DMD: variants seen among roughly 807,000 people sequenced by gnomAD.
DMD encodes the protein dystrophin, also known as mutant dystrophin.
DMD carries 63 observed loss-of-function variants against 330.1 expected under a neutral mutation model. The ratio of observed to expected loss-of-function variants is 0.19; its 90% CI spans 0.16 to 0.24. The LOEUF (loss-of-function observed/expected upper bound fraction) is 0.24. Among genes scored for constraint, DMD ranks in the 10% least tolerant of loss-of-function variants. The pLI, the probability that DMD is intolerant of heterozygous loss-of-function variation, is 1.00. For missense variants in DMD, 3,344 were observed against 2,684.1 expected (o/e 1.25, Z -5.43); for synonymous variants, 1,223 against 959.8 (o/e 1.27, Z -5.07).
chrX:32,801,982 G>A lies in DMD; in HGVS notation c.649+7511C>T, dbSNP rs139633080. On this transcript the variant is annotated intron_variant, in intron 7 of 78. Transcript: ENST00000357033. The stretch of plus-strand genomic sequence containing the variant: ...TGTTATTTTTGCTTAGGATGGTTTT[G>A]GCAATGCAGGCTCTTTTTTAGTTCC... 2.8e-3 allele frequency among the ~76,000 whole-genome samples: 317 copies of A among 111,792 alleles called. 2 individuals are homozygous for A. The highest frequency in any genetic ancestry group is 1.0e-2 in the African/African-American group (308 of 30,806).
intron 22 of DMD, among the ~76,000 whole-genome samples, chrX:32,469,855 C>T (rs2040434763): frequency 9.0e-6 from 1 of 111,190 alleles, no homozygotes; most frequent in African/African-American, 3.3e-5. Context: ...TCCATCCATC[C>T]ATCCCTCAAT....
intron 2 of DMD, among the ~76,000 whole-genome samples, chrX:33,007,249 C>T (rs6628760): frequency 0.39 from 42,188 of 109,576 alleles, 6,278 homozygotes; most frequent in East Asian, 0.48. Context: ...ACTCCACTTG[C>T]AGATCCTACC....
At chrX:32,964,470 A>G (rs1271380429) in intron 2 of DMD, among the ~76,000 whole-genome samples, 1 of 110,375 alleles carries the variant, frequency 9.1e-6, no homozygotes, top group Admixed American at 9.7e-5. Context: ...CACTTTGGAA[A>G]GCAAAGGTGG....
chrX:32,478,023 G>T (rs949441515), intron 21 of DMD, among the ~76,000 whole-genome samples: 5 of 111,744 alleles, frequency 4.5e-5, no homozygotes, highest in Non-Finnish European at 9.4e-5. Flanking sequence ...TTTACCTGTT[G>T]ATCTGTTAAT....
rs191451243 is a variant in DMD, at chrX:31,962,058, T to C, written c.6614+6281A>G. ...GGACTCCGGAGGCAGACTGCGGGAC[T>C]GCATCCTGGTTCAAATACTTGCTGG... On this transcript the variant is annotated intron_variant, in intron 45 of 78. Transcript: ENST00000357033. Among the ~76,000 whole-genome samples the C allele has an allele frequency of 2.5e-3, 273 of 111,174 alleles. 1 individual carries two copies. Among genetic ancestry groups the C allele is most frequent in the African/African-American group, 8.3e-3 (253 of 30,572 alleles).
intron 18 of DMD, among the ~76,000 whole-genome samples, chrX:32,503,408 A>G (rs1017629016): frequency 4.5e-5 from 5 of 112,202 alleles, no homozygotes; most frequent in African/African-American, 6.5e-5. Flanking sequence ...GCAATATCAG[A>G]AATAGTTGCA....
chrX:33,160,932 C>G (rs2048740551), intron 1 of DMD, among the ~76,000 whole-genome samples: 1 of 111,776 alleles, frequency 8.9e-6, no homozygotes, highest in South Asian at 3.7e-4. Context: ...AGAACTCTAT[C>G]AATGAATTAA....
intron 44 of DMD, among the ~76,000 whole-genome samples, chrX:32,084,557 T>A (rs2096416880): frequency 8.9e-6 from 1 of 112,051 alleles, no homozygotes; most frequent in South Asian, 3.7e-4. Context: ...CTAAAATAAT[T>A]ATTTGGGATA....
In DMD at chrX:32,112,728, T is replaced by C. The variant is rs181928719; in HGVS notation, c.6438+104188A>G. Among the ~76,000 whole-genome samples the C allele has an allele frequency of 2.9e-3, 327 of 111,744 alleles. 1 individual carries two copies. The highest frequency in any genetic ancestry group is 6.6e-3 in the Admixed American group (69 of 10,525). ...GATATTTAGACCACAAAGATGAGAT[T>C]TGATTTTCTTTCAACACTGAGGGCT... On this transcript the variant is annotated intron_variant, in intron 44 of 78. Transcript: ENST00000357033.
At chrX:31,981,147 C>T (rs2095473449) in intron 44 of DMD, among the ~76,000 whole-genome samples, 1 of 111,655 alleles carries the variant, frequency 9.0e-6, no homozygotes, top group Non-Finnish European at 1.9e-5. Context: ...CTTTTATCCC[C>T]ACACACAATG....
chrX:32,495,764 G>A (rs1162959672), intron 19 of DMD, among the ~76,000 whole-genome samples: 2 of 108,742 alleles, frequency 1.8e-5, no homozygotes, highest in Non-Finnish European at 3.8e-5. Flanking sequence ...TGACTCAATG[G>A]AAAATTTTAA....
chrX:31,324,393 GT>G (rs66570132), intron 61 of DMD, among the ~76,000 whole-genome samples: 20,985 of 95,010 alleles, frequency 0.22, 2,822 homozygotes, highest in African/African-American at 0.48. Flanking sequence ...TCTTTGCATT[GT>G]TTTTTTTTTT....
intron 7 of DMD, among the ~76,000 whole-genome samples, chrX:32,750,038 T>G (rs1041665454): frequency 2.7e-5 from 3 of 112,298 alleles, no homozygotes; most frequent in African/African-American, 9.7e-5. Context: ...CGCCTTGCCT[T>G]ATTTGTCACT....
chrX:33,072,054 T>C (rs1187190919), intron 1 of DMD, among the ~76,000 whole-genome samples: 1 of 112,153 alleles, frequency 8.9e-6, no homozygotes, highest in Non-Finnish European at 1.9e-5. Flanking sequence ...TTCATAGTGA[T>C]TTTTCAATGT....
intron 1 of DMD, among the ~76,000 whole-genome samples, chrX:33,217,430 GTTTA>G (rs1309212367): frequency 1.8e-5 from 2 of 111,084 alleles, no homozygotes; most frequent in Non-Finnish European, 3.8e-5. Context: ...ATATATCTCC[GTTTA>G]TTTAAGTCTT....
intron 53 of DMD, among the ~76,000 whole-genome samples, chrX:31,660,942 G>A (rs2081085691): frequency 1.8e-5 from 2 of 111,192 alleles, no homozygotes; most frequent in Admixed American, 1.9e-4. Context: ...TGCAGAAGGT[G>A]CCAATGAATC....
intron 1 of DMD, among the ~76,000 whole-genome samples, chrX:33,099,907 C>CA (rs1201252395): frequency 9.1e-6 from 1 of 109,885 alleles, no homozygotes; most frequent in Non-Finnish European, 1.9e-5. Flanking sequence ...AACTAGAGAA[C>CA]AAAAAAAACC....
At chrX:32,668,462 G>T (rs142533105) in intron 9 of DMD, among the ~76,000 whole-genome samples, 1 of 111,669 alleles carries the variant, frequency 9.0e-6, no homozygotes, top group East Asian at 2.8e-4. Context: ...TCATGTTTTT[G>T]ACAGGGCTTG....
chrX:32,503,654 C>T (rs1458332249), intron 18 of DMD, among the ~76,000 whole-genome samples: 3 of 110,970 alleles, frequency 2.7e-5, no homozygotes, highest in Non-Finnish European at 5.7e-5. Context: ...CTCCCGGGTT[C>T]AAGCAACTCT....
Sources: gnomAD v4.1 joint callset for allele counts (sites outside exome capture counted in the v4.1 genomes callset) on GRCh38, gnomAD v4.1.1 for gene constraint, MANE v1.5 for transcripts, NCBI Gene and HGNC (gene_info 2026-07-23, HGNC 2026-07-21) for gene names.